Variants in MME observed in about 807,000 individuals in gnomAD.
The protein encoded by MME is membrane metalloendopeptidase.
Under a neutral mutation model 113.2 loss-of-function variants are expected in MME, and 98 were observed. The ratio of observed to expected loss-of-function variants is 0.87; its 90% confidence interval spans 0.74 to 1.02. The LOEUF (loss-of-function observed/expected upper bound fraction) is 1.02, where lower values mean the gene tolerates loss of function less well. Ranked by LOEUF, MME falls within the 50% of genes least tolerant of loss-of-function variation. The probability of loss-of-function intolerance (pLI) is 0.00; values close to 1 mark genes in which losing one functional copy is unlikely to be tolerated. For missense variants in MME, 836 were observed against 896.0 expected (o/e 0.93, Z 0.86); for synonymous variants, 292 against 300.6 (o/e 0.97, Z 0.30).
At position 155,147,176 on chromosome 3, in the gene MME, T is replaced by C; in HGVS notation, c.1449T>C (p.Pro483=). 6.2e-7 allele frequency: 1 copy of C among 1,608,654 alleles called. No homozygotes were observed. Among genetic ancestry groups the C allele is most frequent in the Non-Finnish European group, 8.5e-7 (1 of 1,175,228 alleles). ...ALAIKERIGY[P]DDIVSNDNKL... ...CAATTAAAGAAAGGATCGGCTATCCTGATGACATTGTTTCAAATGATAACA... is the reference window on the plus strand; with the variant it reads ...CAATTAAAGAAAGGATCGGCTATCCCGATGACATTGTTTCAAATGATAACA... Residue 483 remains proline (P), a synonymous_variant, in exon 15 of 23, where the codon CCT becomes CCC. Transcript: ENST00000360490.
At chr3:155,047,470 C>T (rs1713597452) in intron 1 of MME, among the ~76,000 whole-genome samples, 1 of 152,178 alleles carries the variant, frequency 6.6e-6, no homozygotes, top group Non-Finnish European at 1.5e-5. Context: ...CAGAACATAT[C>T]CTTGTTGTTA....
intron 1 of MME, among the ~76,000 whole-genome samples, chr3:155,070,669 A>G (rs1714520930): frequency 6.6e-6 from 1 of 152,256 alleles, no homozygotes; most frequent in Non-Finnish European, 1.5e-5. Context: ...TCCTGGAAGC[A>G]TTAAGGATCC....
intron 1 of MME, among the ~76,000 whole-genome samples, chr3:155,073,048 T>A (rs376145940): frequency 1.2e-3 from 187 of 152,302 alleles, no homozygotes; most frequent in Non-Finnish European, 1.9e-3. Context: ...ACTAAACTAA[T>A]CCATTTTTAT....
chr3:155,129,361 A>T (rs1481856437), intron 8 of MME, among the ~76,000 whole-genome samples: 2 of 152,132 alleles, frequency 1.3e-5, no homozygotes, highest in African/African-American at 2.4e-5. Flanking sequence ...TCCTTCCAGG[A>T]TATCCAGGTC....
chr3:155,067,265 T>C (rs189929389), intron 1 of MME, among the ~76,000 whole-genome samples: 298 of 150,284 alleles, frequency 2.0e-3, no homozygotes, highest in African/African-American at 7.1e-3. Context: ...TTTTAAAAAT[T>C]TATATAACAG....
At chr3:155,171,520 C>A (rs1423233227) in intron 20 of MME, among the ~76,000 whole-genome samples, 1 of 152,112 alleles carries the variant, frequency 6.6e-6, no homozygotes, top group East Asian at 1.9e-4. Context: ...AGAGGATTTT[C>A]TGACATTCAA....
intron 1 of MME, among the ~76,000 whole-genome samples, chr3:155,062,997 T>C (rs6778554): frequency 0.81 from 112,674 of 138,832 alleles, 45,936 homozygotes; most frequent in African/African-American, 0.89. Context: ...ATAGTGCCAC[T>C]GCACTCCAGC....
chr3:155,053,807 A>G (rs1012066988), intron 1 of MME, among the ~76,000 whole-genome samples: 4 of 152,222 alleles, frequency 2.6e-5, no homozygotes, highest in African/African-American at 9.6e-5. Flanking sequence ...CACAGATACA[A>G]ATATAAAGGC....
chr3:155,116,363 GT>G (rs906048897), intron 4 of MME, 115 bp from the exon 5 acceptor site: 185 of 802,022 alleles, frequency 2.3e-4, no homozygotes, highest in Middle Eastern at 6.9e-4. Context: ...GAAAAGCAAG[GT>G]TTTTTTTTAA....
At chr3:155,133,383 T>A (rs1720327541) in intron 8 of MME, among the ~76,000 whole-genome samples, 1 of 151,744 alleles carries the variant, frequency 6.6e-6, no homozygotes, top group Non-Finnish European at 1.5e-5. Flanking sequence ...CAGAAGCTAG[T>A]GATACTATAT....
intron 10 of MME, 57 bp downstream of exon 10, chr3:155,140,349 GA>G: frequency 1.0e-6 from 1 of 967,338 alleles, no homozygotes. Flanking sequence ...TTATAACATT[GA>G]AATACTCTTT....
At chr3:155,044,187 C>T (rs1428554350) in intron 1 of MME, among the ~76,000 whole-genome samples, 2 of 126,758 alleles carry the variant, frequency 1.6e-5, no homozygotes, top group Non-Finnish European at 3.1e-5. Context: ...GGCTGGAGTG[C>T]AGTTGTGCAA....
intron 1 of MME, among the ~76,000 whole-genome samples, chr3:155,029,994 C>T (rs967165236): frequency 7.9e-5 from 12 of 152,070 alleles, no homozygotes; most frequent in African/African-American, 2.9e-4. Context: ...TTTTTCTCTC[C>T]CTTTAGACTA....
intron 3 of MME, chr3:155,090,177 A>G (rs1449229857): frequency 6.5e-6 from 1 of 154,728 alleles, no homozygotes; most frequent in Non-Finnish European, 1.4e-5. Context: ...TGGAACATCA[A>G]GACCTGGATG....
intron 8 of MME, among the ~76,000 whole-genome samples, chr3:155,119,199 G>A (rs1163203352): frequency 6.6e-6 from 1 of 152,120 alleles, no homozygotes; most frequent in African/African-American, 2.4e-5. Context: ...GATACACTCT[G>A]CAGCATCCTT....
At chr3:155,044,342 A>G (rs908204179) in intron 1 of MME, among the ~76,000 whole-genome samples, 3 of 151,728 alleles carry the variant, frequency 2.0e-5, no homozygotes, top group Admixed American at 6.6e-5. Flanking sequence ...TATATTGGCC[A>G]GGCTGGTCTT....
At chr3:155,168,106 C>G (rs1711528827) in intron 18 of MME, among the ~76,000 whole-genome samples, 1 of 151,994 alleles carries the variant, frequency 6.6e-6, no homozygotes, top group Non-Finnish European at 1.5e-5. Context: ...TATGAAGGGT[C>G]CAGGAATATA....
intron 1 of MME, among the ~76,000 whole-genome samples, chr3:155,061,259 T>C (rs1469486479): frequency 6.6e-6 from 1 of 152,078 alleles, no homozygotes; most frequent in Non-Finnish European, 1.5e-5. Context: ...GAGACCATCC[T>C]GGCTAACATG....
chr3:155,159,364 T>C (rs1000601158), intron 16 of MME, among the ~76,000 whole-genome samples: 1 of 151,996 alleles, frequency 6.6e-6, no homozygotes, highest in African/African-American at 2.4e-5. Flanking sequence ...AGCCATTAGA[T>C]GATGATCTCT....
Sources: gnomAD v4.1 joint callset for allele counts (sites outside exome capture counted in the v4.1 genomes callset) on GRCh38, gnomAD v4.1.1 for gene constraint, MANE v1.5 for transcripts, NCBI Gene and HGNC (gene_info 2026-07-23, HGNC 2026-07-21) for gene names.